TMEM33: variants seen among roughly 807,000 people sequenced by gnomAD.
TMEM33 encodes the protein transmembrane protein 33.
In TMEM33, 16 loss-of-function variants were observed where a neutral mutation model predicts 29.7. That is an observed-to-expected ratio of 0.54 (90% CI 0.36 to 0.82). The LOEUF is 0.82. TMEM33 is among the 40% of genes least tolerant of loss of function. The probability of loss-of-function intolerance (pLI) is 0.00; values close to 1 mark genes in which losing one functional copy is unlikely to be tolerated. For synonymous variants in TMEM33, 112 were observed against 109.4 expected (o/e 1.02, Z -0.15); for missense variants, 252 against 295.3 (o/e 0.85, Z 1.08).
At chr4:41,950,294 A>G (rs770211634) in intron 6 of TMEM33, among the ~76,000 whole-genome samples, 1 of 152,166 alleles carries the variant, frequency 6.6e-6, no homozygotes, top group Non-Finnish European at 1.5e-5. Context: ...AAGATAATCT[A>G]TTTTTAAGTT....
upstream of TMEM33, chr4:41,935,182 T>TCTTTAGGGCTTCACCC: frequency 2.0e-6 from 1 of 508,824 alleles, no homozygotes; most frequent in Non-Finnish European, 3.5e-6. Context: ...GTAGGTTGGC[T>TCTTTAGGGCTTCACCC]CTTTAGGGCT....
chr4:41,944,265 C>G, intron 4 of TMEM33: 1 of 174,790 alleles, frequency 5.7e-6, no homozygotes. Flanking sequence ...AACTTGGCAC[C>G]AGGCCATTTA....
chr4:41,945,673 T>G (rs1038624636), intron 5 of TMEM33, among the ~76,000 whole-genome samples: 1 of 152,082 alleles, frequency 6.6e-6, no homozygotes, highest in Non-Finnish European at 1.5e-5. Flanking sequence ...TTATTTTACA[T>G]CAAAGATGTT....
intron 5 of TMEM33, among the ~76,000 whole-genome samples, chr4:41,946,079 T>C (rs1712774186): frequency 6.8e-6 from 1 of 146,696 alleles, no homozygotes; most frequent in African/African-American, 2.5e-5. Context: ...CCAGTTCTGT[T>C]TTTTTTTTTT....
In TMEM33 at chr4:41,954,210, A is replaced by G. The variant is rs1369685122; in HGVS notation, c.*11A>G. ...CCAACAGTTCCATAGTTTAACATCT[A>G]GTTAAGCTACAAATATAGTATAAGC... On this transcript the variant is annotated 3_prime_UTR_variant, in exon 7 of 7. Coordinates refer to ENST00000504986, the MANE Select transcript of TMEM33 (RefSeq NM_018126.3). 1.1e-5 allele frequency: 17 copies of G among 1,613,020 alleles called. No homozygotes were observed. The Admixed American group carries it at 1.5e-4, about 14-fold the overall frequency.
intron 1 of TMEM33, 92 bp downstream of exon 1, chr4:41,935,621 G>A: frequency 1.5e-6 from 2 of 1,300,060 alleles, no homozygotes; most frequent in East Asian, 5.0e-5. Flanking sequence ...CAGAAGCTCA[G>A]TGCATTCAGG....
At chr4:41,938,974 A>C (rs1309524162) in intron 2 of TMEM33, among the ~76,000 whole-genome samples, 2 of 152,208 alleles carry the variant, frequency 1.3e-5, no homozygotes, top group Admixed American at 6.5e-5. Context: ...ACTTGACAGG[A>C]AGGTCCTGCT....
chr4:41,946,575 A>G (rs1043796808), intron 5 of TMEM33, among the ~76,000 whole-genome samples: 43 of 152,322 alleles, frequency 2.8e-4, no homozygotes, highest in African/African-American at 1.0e-3. Flanking sequence ...TATGGTCCCA[A>G]CTAGATTTGA....
chr4:41,949,737 A>G (rs1321639952), intron 6 of TMEM33, among the ~76,000 whole-genome samples: 1 of 152,186 alleles, frequency 6.6e-6, no homozygotes, highest in East Asian at 1.9e-4. Context: ...TCACAAGCCA[A>G]TAGATAATGA....
chr4:41,946,876 A>C (rs1376097081), intron 5 of TMEM33, among the ~76,000 whole-genome samples: 1 of 152,078 alleles, frequency 6.6e-6, no homozygotes, highest in African/African-American at 2.4e-5. Context: ...TGTGTCACTT[A>C]ATCCTGCTTT....
intron 3 of TMEM33, among the ~76,000 whole-genome samples, chr4:41,940,058 T>C (rs1712457410): frequency 6.9e-6 from 1 of 144,706 alleles, no homozygotes; most frequent in Admixed American, 6.9e-5. Flanking sequence ...TTTTTTTTTT[T>C]TTTTTTTTTT....
intron 1 of TMEM33, among the ~76,000 whole-genome samples, chr4:41,935,868 CAT>C (rs1412573932): frequency 6.6e-6 from 1 of 152,210 alleles, no homozygotes; most frequent in East Asian, 1.9e-4. Flanking sequence ...CCATGACACA[CAT>C]GATCCATGAC....
intron 5 of TMEM33, among the ~76,000 whole-genome samples, chr4:41,948,573 A>G (rs1349513242): frequency 2.0e-5 from 3 of 152,096 alleles, no homozygotes; most frequent in Non-Finnish European, 4.4e-5. Context: ...CAATTGTAAT[A>G]ATATGTGTAG....
Position 41,946,098 on chromosome 4 carries a change from G to A in TMEM33, c.530+1172G>A, listed in dbSNP as rs558275902. On this transcript the variant is annotated intron_variant, in intron 5 of 6. Transcript: ENST00000504986. ...TTCTGTTTTTTTTTTTTTTTTAGCC[G>A]TATAACATTCCAACTTATCTCCTGA... Among the ~76,000 whole-genome samples, 77 of 137,078 alleles carry A rather than the reference G, an allele frequency of 5.6e-4. 1 individual carries two copies. Among genetic ancestry groups the A allele is most frequent in the African/African-American group, 1.6e-3 (59 of 36,610 alleles). The allele number at this position is 137,078 out of a possible 152,430, so 89.9% of individuals were successfully genotyped here.
intron 6 of TMEM33, among the ~76,000 whole-genome samples, chr4:41,950,930 A>G (rs1409411353): frequency 6.6e-6 from 1 of 152,208 alleles, no homozygotes; most frequent in African/African-American, 2.4e-5. Context: ...GATAACACAA[A>G]TATGTGCTGG....
intron 6 of TMEM33, among the ~76,000 whole-genome samples, chr4:41,950,707 G>T (rs1342773438): frequency 6.6e-6 from 1 of 151,962 alleles, no homozygotes; most frequent in Non-Finnish European, 1.5e-5. Flanking sequence ...TTGAGTTTTA[G>T]CCTTTTTTCT....
At chr4:41,949,496 G>A in intron 6 of TMEM33, 111 bp downstream of exon 6, 1 of 856,416 alleles carries the variant, frequency 1.2e-6, no homozygotes, top group South Asian at 1.9e-5. Context: ...TTAGAAGCAA[G>A]CAGTGTTTTT....
At position 41,935,483 on chromosome 4, in the gene TMEM33, C is replaced by G. The variant is rs768152977; in HGVS notation, c.-2C>G. 3 of 1,609,066 alleles carry G rather than the reference C, an allele frequency of 1.9e-6. No homozygotes were observed. Among genetic ancestry groups the G allele is most frequent in the East Asian group, 2.2e-5 (1 of 44,714 alleles). On this transcript the variant is annotated 5_prime_UTR_variant, in exon 1 of 7. Transcript: ENST00000504986. ...GCGTCGCAGACGCTAGTGTGAGCCC[C>G]CATGGCAGATACGACCCCGAACGGC...
rs974882866 is a variant in TMEM33, at chr4:41,955,986, T to G, written c.*1787T>G. 6.6e-6 allele frequency: 1 copy of G among 152,334 alleles called. No individual in the cohort carries two copies. Among genetic ancestry groups the G allele is most frequent in the African/African-American group, 2.4e-5 (1 of 41,394 alleles). 9.4% of individuals were successfully genotyped at this position (152,334 alleles called of 1,614,324 possible). ...ACAAGAGAGTTTTTTTGTTGTTGTT[T>G]TTGTTTTTTGAGACAGAGTCTGTCT... is the stretch of plus-strand genomic sequence containing the variant. On this transcript the variant is annotated 3_prime_UTR_variant, in exon 7 of 7. Transcript: ENST00000504986.
Sources: gnomAD v4.1 joint callset for allele counts (sites outside exome capture counted in the v4.1 genomes callset) on GRCh38, gnomAD v4.1.1 for gene constraint, MANE v1.5 for transcripts, NCBI Gene and HGNC (gene_info 2026-07-23, HGNC 2026-07-21) for gene names.